IFT88: variants seen among roughly 807,000 people sequenced by gnomAD.
The protein encoded by IFT88 is intraflagellar transport protein 88 homolog.
In IFT88, 74 loss-of-function variants were observed where a neutral mutation model predicts 119.5. The ratio of observed to expected loss-of-function variants is 0.62; its 90% CI spans 0.51 to 0.75. IFT88 has a LOEUF of 0.75. IFT88 is among the 30% of genes least tolerant of loss of function. The probability of loss-of-function intolerance (pLI) is 0.00; values close to 1 mark genes in which losing one functional copy is unlikely to be tolerated. For synonymous variants in IFT88, 279 were observed against 316.7 expected (o/e 0.88, Z 1.26); for missense variants, 961 against 977.7 (o/e 0.98, Z 0.23).
intron 24 of IFT88, among the ~76,000 whole-genome samples, chr13:20,687,450 G>A (rs759863520): frequency 6.6e-6 from 1 of 152,154 alleles, no homozygotes; most frequent in Non-Finnish European, 1.5e-5. Flanking sequence ...TGTCTAACAG[G>A]CAAGGACCAG....
At chr13:20,591,786 A>G in intron 6 of IFT88, 105 bp downstream of exon 6, 1 of 742,174 alleles carries the variant, frequency 1.3e-6, no homozygotes, top group Non-Finnish European at 2.2e-6. Flanking sequence ...TAACAATGCC[A>G]TTGATTATAA....
intron 22 of IFT88, among the ~76,000 whole-genome samples, chr13:20,660,123 A>G (rs570267793): frequency 6.6e-6 from 1 of 152,334 alleles, no homozygotes; most frequent in East Asian, 1.9e-4. Context: ...GTCAGTAGTT[A>G]TAAGTGCTAT....
intron 23 of IFT88, among the ~76,000 whole-genome samples, chr13:20,669,371 T>A (rs2055368371): frequency 6.6e-6 from 1 of 152,150 alleles, no homozygotes. Flanking sequence ...CACATGTGGT[T>A]TTAAAAACTG....
At chr13:20,595,926 A>G (rs1280670870) in intron 7 of IFT88, among the ~76,000 whole-genome samples, 1 of 152,070 alleles carries the variant, frequency 6.6e-6, no homozygotes, top group African/African-American at 2.4e-5. Context: ...ATGCACCTGT[A>G]GTCCTAGCTA....
At chr13:20,672,211 A>G (rs960719822) in intron 24 of IFT88, among the ~76,000 whole-genome samples, 1 of 152,126 alleles carries the variant, frequency 6.6e-6, no homozygotes, top group African/African-American at 2.4e-5. Context: ...GTCAAATTCA[A>G]TTTATAACTT....
At chr13:20,669,957 C>T (rs1463085492) in intron 23 of IFT88, among the ~76,000 whole-genome samples, 3 of 152,024 alleles carry the variant, frequency 2.0e-5, no homozygotes, top group Non-Finnish European at 2.9e-5. Context: ...ATTTGGAAGT[C>T]CTGAGTTTTA....
intron 24 of IFT88, among the ~76,000 whole-genome samples, chr13:20,684,698 TTTC>T (rs2057695496): frequency 6.6e-6 from 1 of 152,190 alleles, no homozygotes; most frequent in Non-Finnish European, 1.5e-5. Context: ...CTTCACTCCT[TTTC>T]TGAGGAGATG....
At chr13:20,590,921 CA>C (rs1456293613) in intron 4 of IFT88, 45 bp from the exon 5 acceptor site, 2 of 1,341,828 alleles carry the variant, frequency 1.5e-6, no homozygotes, top group Non-Finnish European at 2.1e-6. Context: ...ACATTTAAGG[CA>C]GATATTTTTA....
chr13:20,624,571 T>C (rs374522058), intron 14 of IFT88, among the ~76,000 whole-genome samples: 29 of 152,286 alleles, frequency 1.9e-4, no homozygotes, highest in Middle Eastern at 3.4e-3. Flanking sequence ...ATGGGAATTA[T>C]GAGCAGGAAC....
intron 13 of IFT88, chr13:20,607,639 C>T: frequency 1.1e-6 from 1 of 873,542 alleles, no homozygotes; most frequent in Non-Finnish European, 2.0e-6. Flanking sequence ...TTATGATCCC[C>T]ACCTGGGTTC....
intron 2 of IFT88, among the ~76,000 whole-genome samples, chr13:20,578,749 A>G (rs915581158): frequency 6.6e-6 from 1 of 152,060 alleles, no homozygotes; most frequent in Non-Finnish European, 1.5e-5. Context: ...AGGTTTTACC[A>G]TGTTGGTTCG....
chr13:20,639,338 T>C (rs1476510797), intron 17 of IFT88, among the ~76,000 whole-genome samples: 2 of 152,132 alleles, frequency 1.3e-5, no homozygotes, highest in African/African-American at 2.4e-5. Context: ...ATGAGAGAGA[T>C]TGATGGGTTG....
intron 14 of IFT88, among the ~76,000 whole-genome samples, chr13:20,620,135 C>A (rs1241462707): frequency 1.3e-5 from 2 of 152,124 alleles, no homozygotes; most frequent in Non-Finnish European, 2.9e-5. Context: ...TTTTACCTTT[C>A]ACATTTAGAT....
chr13:20,591,368 G>A (rs1356421155), intron 5 of IFT88, among the ~76,000 whole-genome samples: 1 of 152,144 alleles, frequency 6.6e-6, no homozygotes, highest in Non-Finnish European at 1.5e-5. Flanking sequence ...CCAAAAGTAA[G>A]AGAGTAGCTG....
chr13:20,597,572 A>G (rs551692373), intron 9 of IFT88, among the ~76,000 whole-genome samples: 59 of 151,994 alleles, frequency 3.9e-4, no homozygotes, highest in South Asian at 1.5e-3. Context: ...GTGAAACCCC[A>G]TCTCTACTAA....
intron 24 of IFT88, among the ~76,000 whole-genome samples, chr13:20,671,879 G>A (rs1312709741): frequency 6.6e-6 from 1 of 152,126 alleles, no homozygotes; most frequent in East Asian, 1.9e-4. Context: ...TGTGATGTAG[G>A]AGTCAGGACA....
intron 2 of IFT88, among the ~76,000 whole-genome samples, chr13:20,577,146 G>A (rs554196491): frequency 3.3e-5 from 5 of 152,008 alleles, no homozygotes; most frequent in Admixed American, 6.6e-5. Flanking sequence ...GATTACTTTC[G>A]TGATTTATTT....
At chr13:20,653,435 A>C (rs952389087) in intron 20 of IFT88, among the ~76,000 whole-genome samples, 2 of 152,214 alleles carry the variant, frequency 1.3e-5, no homozygotes, top group Admixed American at 6.5e-5. Context: ...TTAATGGACA[A>C]AAAGGGATTA....
At chr13:20,660,608 G>A (rs1299322891) in intron 22 of IFT88, among the ~76,000 whole-genome samples, 1 of 152,160 alleles carries the variant, frequency 6.6e-6, no homozygotes, top group African/African-American at 2.4e-5. Flanking sequence ...CAGTGGAGGT[G>A]GGCAGGATGG....
Sources: gnomAD v4.1 joint callset for allele counts (sites outside exome capture counted in the v4.1 genomes callset) on GRCh38, gnomAD v4.1.1 for gene constraint, MANE v1.5 for transcripts, NCBI Gene and HGNC (gene_info 2026-07-23, HGNC 2026-07-21) for gene names.